The following MROH2B variants were observed in gnomAD, a reference collection of about 807,000 sequenced individuals.
MROH2B encodes the protein maestro heat like repeat family member 2B.
Under a neutral mutation model 208.6 loss-of-function variants are expected in MROH2B, and 177 were observed. The ratio of observed to expected loss-of-function variants is 0.85; its 90% CI spans 0.75 to 0.96. MROH2B has a LOEUF of 0.96. Ranked by LOEUF, MROH2B falls within the 40% of genes least tolerant of loss-of-function variation. The probability of loss-of-function intolerance (pLI) is 0.00; values close to 1 mark genes in which losing one functional copy is unlikely to be tolerated. For synonymous variants in MROH2B, 728 were observed against 659.0 expected (o/e 1.10, Z -1.60); for missense variants, 2,002 against 1,878.7 (o/e 1.07, Z -1.21).
chr5:41,035,297 T>C (rs758233158), intron 21 of MROH2B, among the ~76,000 whole-genome samples: 3 of 152,014 alleles, frequency 2.0e-5, no homozygotes, highest in Non-Finnish European at 2.9e-5. Flanking sequence ...CATATGATCT[T>C]TGACAAGGCT....
intron 24 of MROH2B, among the ~76,000 whole-genome samples, chr5:41,026,719 C>G (rs973788656): frequency 2.0e-5 from 3 of 152,132 alleles, no homozygotes; most frequent in Non-Finnish European, 4.4e-5. Context: ...AAAAAGGGCC[C>G]GCATTGCCAA....
At chr5:41,024,635 A>G (rs1742284540) in intron 24 of MROH2B, among the ~76,000 whole-genome samples, 1 of 152,202 alleles carries the variant, frequency 6.6e-6, no homozygotes, top group Non-Finnish European at 1.5e-5. Flanking sequence ...ATAAGACAGA[A>G]AGTTAACAAG....
chr5:41,047,698 A>G (rs747328345), intron 17 of MROH2B, 23 bp downstream of exon 17: 3 of 1,582,062 alleles, frequency 1.9e-6, no homozygotes, highest in Non-Finnish European at 2.6e-6. Flanking sequence ...ATTATTAAAA[A>G]TTATTCTAGA....
rs767975172 is a variant in MROH2B, at chr5:41,004,747, A to G, written c.4011+27T>C. On this transcript the variant is annotated intron_variant, in intron 36 of 41. Transcript: ENST00000399564. ...TTATTTCAAAACTCTACTTAAATGA[A>G]CCATTTCCCCTTAAAACGCCTTTTA... 4.4e-6 allele frequency: 7 copies of G among 1,601,504 alleles called. No homozygotes were observed. The African/African-American group carries it at 6.7e-5, about 15-fold the overall frequency.
chr5:41,009,535 T>C, intron 31 of MROH2B, 129 bp from the exon 32 acceptor site: 2 of 1,202,398 alleles, frequency 1.7e-6, no homozygotes, highest in Admixed American at 4.5e-5. Context: ...CATGCTGCCA[T>C]GCCTGGGGAT....
Position 41,064,487 on chromosome 5 carries a change from C to T in MROH2B, c.445G>A (p.Gly149Arg). 6.2e-7 allele frequency: 1 copy of T among 1,612,994 alleles called. No homozygotes were observed. Among genetic ancestry groups the T allele is most frequent in the Non-Finnish European group, 8.5e-7 (1 of 1,179,310 alleles). Residue 149 changes from glycine (G) to arginine (R), a missense_variant, in exon 5 of 42, where the codon GGG becomes AGG. Transcript: ENST00000399564. ...GGATACCCACCAATACAGAAAGTCC[C>T]CTTCATCCTTTCATCCTCGGCCAGC... ...LRLAEDERMK[G>R]TFCIALEKFS... is the part of the protein sequence containing the mutation.
chr5:41,015,327 A>G, intron 29 of MROH2B, 54 bp downstream of exon 29: 1 of 1,496,030 alleles, frequency 6.7e-7, no homozygotes, highest in South Asian at 1.2e-5. Flanking sequence ...TAGCTTACTC[A>G]TTTGGAAATC....
chr5:41,052,766 A>C (rs921197595), intron 11 of MROH2B, among the ~76,000 whole-genome samples, 179 bp from the exon 12 acceptor site: 1 of 152,236 alleles, frequency 6.6e-6, no homozygotes, highest in African/African-American at 2.4e-5. Flanking sequence ...GGGATCAGAA[A>C]TGTTCAAATT....
intron 18 of MROH2B, among the ~76,000 whole-genome samples, chr5:41,042,569 C>A (rs994811157): frequency 2.6e-5 from 4 of 152,098 alleles, no homozygotes; most frequent in African/African-American, 9.7e-5. Context: ...TCAACAAATG[C>A]TCAATGAACA....
chr5:41,008,870 C>T, intron 32 of MROH2B, 77 bp from the exon 33 acceptor site: 2 of 1,409,486 alleles, frequency 1.4e-6, no homozygotes. Context: ...TGATTTTCAA[C>T]TTTGTTTTCT....
At chr5:41,033,331 A>G (rs543641126) in intron 22 of MROH2B, among the ~76,000 whole-genome samples, 171 bp from the exon 23 acceptor site, 1 of 152,186 alleles carries the variant, frequency 6.6e-6, no homozygotes, top group Non-Finnish European at 1.5e-5. Context: ...TGAGAAACAA[A>G]TGCCATTTTT....
At chr5:41,026,959 T>G (rs1042157272) in intron 24 of MROH2B, among the ~76,000 whole-genome samples, 1 of 152,186 alleles carries the variant, frequency 6.6e-6, no homozygotes, top group Non-Finnish European at 1.5e-5. Context: ...ATTTAATAAA[T>G]GATGTTGGGA....
chr5:41,041,519 G>T (rs1820153), intron 19 of MROH2B, among the ~76,000 whole-genome samples: 10,923 of 152,130 alleles, frequency 0.072, 652 homozygotes, highest in African/African-American at 0.16. Flanking sequence ...AGCTACTCGG[G>T]AGAATGAGGC....
chr5:41,029,131 C>CT (rs1742480280), intron 24 of MROH2B, among the ~76,000 whole-genome samples: 1 of 152,062 alleles, frequency 6.6e-6, no homozygotes, highest in South Asian at 2.1e-4. Context: ...TTCTTGCTAA[C>CT]ATGTGTTAGG....
rs180723417 is a variant in MROH2B at position 41,050,753 on chromosome 5, T to C, written c.1344+224A>G. Among the ~76,000 whole-genome samples, 30 of 152,268 alleles carry C rather than the reference T, an allele frequency of 2.0e-4. 2 individuals carry two copies. In the East Asian group the frequency reaches 2.9e-3, roughly 15 times the overall value. On this transcript the variant is annotated intron_variant, in intron 13 of 41. Coordinates refer to ENST00000399564, the MANE Select transcript of MROH2B (RefSeq NM_173489.5). ...GTATATTAATATTATATATATAAAT[T>C]GTCATGAACTATCCAGATGTAAGAT...
At chr5:41,054,156 T>G (rs1380879324) in intron 11 of MROH2B, among the ~76,000 whole-genome samples, 1 of 152,142 alleles carries the variant, frequency 6.6e-6, no homozygotes, top group East Asian at 1.9e-4. Flanking sequence ...ATTTTTGTAT[T>G]TTTAGTAGAG....
At chr5:41,046,730 A>G (rs954092931) in intron 17 of MROH2B, among the ~76,000 whole-genome samples, 14 of 152,196 alleles carry the variant, frequency 9.2e-5, no homozygotes, top group African/African-American at 3.1e-4. Context: ...AGAAAAAAAA[A>G]TATTTTTCTC....
intron 24 of MROH2B, among the ~76,000 whole-genome samples, chr5:41,024,708 C>T (rs1238355070): frequency 1.3e-5 from 2 of 152,202 alleles, no homozygotes; most frequent in East Asian, 3.8e-4. Context: ...ACAGAACTCT[C>T]CACCCCAAAT....
chr5:41,031,534 A>G (rs1364063485), intron 24 of MROH2B, among the ~76,000 whole-genome samples: 1 of 152,026 alleles, frequency 6.6e-6, no homozygotes, highest in African/African-American at 2.4e-5. Context: ...ATTTTTTAAA[A>G]AATTTTTGTG....
Sources: gnomAD v4.1 joint callset for allele counts (sites outside exome capture counted in the v4.1 genomes callset) on GRCh38, gnomAD v4.1.1 for gene constraint, MANE v1.5 for transcripts, NCBI Gene and HGNC (gene_info 2026-07-23, HGNC 2026-07-21) for gene names.